Variants in UTRN observed in about 807,000 individuals in gnomAD.
UTRN encodes utrophin.
A neutral mutation model predicts 463.9 loss-of-function variants in UTRN; 283 were observed. That is an observed-to-expected ratio of 0.61 (90% confidence interval 0.55 to 0.67). The LOEUF is 0.67. Ranked by LOEUF, UTRN falls within the 30% of genes least tolerant of loss-of-function variation. The probability of loss-of-function intolerance (pLI) is 0.00; values close to 1 mark genes in which losing one functional copy is unlikely to be tolerated. For missense variants in UTRN, 3,922 were observed against 4,084.3 expected (o/e 0.96, Z 1.08); for synonymous variants, 1,442 against 1,431.5 (o/e 1.01, Z -0.17).
At chr6:144,795,877 T>G (rs554081031) in intron 63 of UTRN, among the ~76,000 whole-genome samples, 1 of 139,308 alleles carries the variant, frequency 7.2e-6, no homozygotes, top group African/African-American at 2.6e-5. Context: ...TTGTTTGTTT[T>G]TTGTTTGTTT....
At chr6:144,416,825 A>G (rs901938220) in intron 3 of UTRN, among the ~76,000 whole-genome samples, 1 of 152,252 alleles carries the variant, frequency 6.6e-6, no homozygotes, top group Non-Finnish European at 1.5e-5. Context: ...CTCTCTTGAG[A>G]ATAAGGAGAA....
At chr6:144,716,514 T>C (rs1389068685) in intron 53 of UTRN, among the ~76,000 whole-genome samples, 2 of 152,158 alleles carry the variant, frequency 1.3e-5, no homozygotes, top group African/African-American at 4.8e-5. Context: ...TCTAAACACA[T>C]TTGTAATTCT....
chr6:144,421,787 A>T (rs1784857491), intron 3 of UTRN, 91 bp from the exon 4 acceptor site: 3 of 914,796 alleles, frequency 3.3e-6, no homozygotes, highest in Non-Finnish European at 4.6e-6. Flanking sequence ...TAATTGAGCA[A>T]AAAATGAAGC....
At chr6:144,550,896 A>C in intron 47 of UTRN, 69 bp from the exon 48 acceptor site, 1 of 1,353,898 alleles carries the variant, frequency 7.4e-7, no homozygotes, top group Non-Finnish European at 9.9e-7. Context: ...ATGTCAGCAC[A>C]ACTGTTTTGC....
chr6:144,798,450 C>A (rs1777423741), intron 64 of UTRN, among the ~76,000 whole-genome samples: 1 of 152,280 alleles, frequency 6.6e-6, no homozygotes, highest in East Asian at 1.9e-4. Flanking sequence ...ATTAACCCGA[C>A]TTCTTCCCAT....
intron 33 of UTRN, among the ~76,000 whole-genome samples, chr6:144,497,826 A>AGGT (rs1793807518): frequency 6.6e-6 from 1 of 152,198 alleles, no homozygotes; most frequent in Non-Finnish European, 1.5e-5. Context: ...TGGACTGAAG[A>AGGT]GGTGGATTTT....
chr6:144,444,052 T>C (rs775491235), intron 13 of UTRN, among the ~76,000 whole-genome samples: 9 of 152,218 alleles, frequency 5.9e-5, no homozygotes, highest in Admixed American at 1.3e-4. Flanking sequence ...AGTTCTATTA[T>C]GTTAGTTTCT....
At chr6:144,424,920 T>A (rs1213809461) in intron 6 of UTRN, among the ~76,000 whole-genome samples, 5 of 152,194 alleles carry the variant, frequency 3.3e-5, no homozygotes, top group Admixed American at 6.5e-5. Context: ...AAAATGCCAA[T>A]TATTGATTAT....
chr6:144,693,016 A>G (rs1173000762), intron 52 of UTRN, among the ~76,000 whole-genome samples: 1 of 147,886 alleles, frequency 6.8e-6, no homozygotes. Flanking sequence ...TTTTTTTTTT[A>G]TAGTTTTGGG....
intron 43 of UTRN, among the ~76,000 whole-genome samples, chr6:144,535,963 A>G (rs1410883244): frequency 6.6e-6 from 1 of 152,060 alleles, no homozygotes; most frequent in Non-Finnish European, 1.5e-5. Flanking sequence ...AATTGTTTGT[A>G]AAAATAAGGT....
chr6:144,518,208 C>T (rs4146297), intron 39 of UTRN, among the ~76,000 whole-genome samples: 21,119 of 152,238 alleles, frequency 0.14, 1,787 homozygotes, highest in Middle Eastern at 0.24. Flanking sequence ...TTTTTTCTCA[C>T]TCTAGCATGT....
chr6:144,824,577 TATATATATATATATA>T (rs1562954789), intron 66 of UTRN, among the ~76,000 whole-genome samples: 1,317 of 25,922 alleles, frequency 0.051, 74 homozygotes, highest in African/African-American at 0.17. Context: ...TTTATTTATA[TATATATATATATATA>T]TATATATATA....
chr6:144,824,579 TA>T, intron 66 of UTRN, among the ~76,000 whole-genome samples: 1 of 25,774 alleles, frequency 3.9e-5, no homozygotes, highest in South Asian at 2.1e-3. Context: ...TATTTATATA[TA>T]TATATATATA....
In UTRN at chr6:144,628,001, A is replaced by G. The variant is rs1776124577; in HGVS notation, c.7480-50405A>G. 2.6e-5 allele frequency among the ~76,000 whole-genome samples: 4 copies of G among 152,024 alleles called. No individual in the cohort carries two copies. The South Asian group carries it at 8.3e-4, about 32-fold the overall frequency. On this transcript the variant is annotated intron_variant, in intron 51 of 74. Transcript: ENST00000367545. ...GTTTTAGTAGAGACGGGGTTTCACC[A>G]TGTCGGTCAGGCTGGTCTCGAACTC...
At position 144,447,622 on chromosome 6, in the gene UTRN, A is replaced by T. The variant is rs1284710264; in HGVS notation, c.1743A>T (p.Glu581Asp). Residue 581 changes from glutamate to aspartate, a missense_variant, in exon 16 of 75, where the codon GAA (glutamate) becomes GAT (aspartate). Coordinates refer to ENST00000367545, the MANE Select transcript of UTRN (RefSeq NM_007124.3). ...RRLAILKEDMEMKRQTLDQLS... is the reference protein window; with the variant it reads ...RRLAILKEDMDMKRQTLDQLS... The stretch of plus-strand genomic sequence containing the variant: ...ACTAGATTTTGAAGGAAGACATGGA[A>T]ATGAAGCGTCAAACATTGGATCAGC... The T allele has an allele frequency of 6.2e-7, 1 of 1,613,410 alleles. No homozygotes were observed. Among genetic ancestry groups the T allele is most frequent in the Non-Finnish European group, 8.5e-7 (1 of 1,179,826 alleles).
intron 2 of UTRN, chr6:144,398,469 T>C (rs2114785196): frequency 2.7e-6 from 1 of 374,130 alleles, no homozygotes; most frequent in South Asian, 2.5e-5. Flanking sequence ...GGCATTTTTT[T>C]CCCTCCAATT....
intron 44 of UTRN, 83 bp from the exon 45 acceptor site, chr6:144,539,211 T>C: frequency 7.3e-7 from 1 of 1,373,582 alleles, no homozygotes; most frequent in South Asian, 1.6e-5. Context: ...TTTGTAATAA[T>C]ACCAAAAAGG....
At chr6:144,714,656 T>C (rs953925537) in intron 53 of UTRN, among the ~76,000 whole-genome samples, 1 of 152,230 alleles carries the variant, frequency 6.6e-6, no homozygotes, top group Non-Finnish European at 1.5e-5. Context: ...AACATTAACA[T>C]ATATATTCTG....
At chr6:144,383,094 G>A (rs1781077222) in intron 2 of UTRN, among the ~76,000 whole-genome samples, 1 of 140,126 alleles carries the variant, frequency 7.1e-6, no homozygotes. Flanking sequence ...ACCACACCCA[G>A]CTAATTTTTG....
Sources: gnomAD v4.1 joint callset for allele counts (sites outside exome capture counted in the v4.1 genomes callset) on GRCh38, gnomAD v4.1.1 for gene constraint, MANE v1.5 for transcripts, NCBI Gene and HGNC (gene_info 2026-07-23, HGNC 2026-07-21) for gene names.